ZKSCAN7: variants seen among roughly 807,000 people sequenced by gnomAD.
ZKSCAN7 encodes the protein zinc finger protein with KRAB and SCAN domains 7.
ZKSCAN7 carries 38 observed loss-of-function variants against 65.3 expected under a neutral mutation model. That is an observed-to-expected ratio of 0.58 (90% CI 0.45 to 0.76). The LOEUF (loss-of-function observed/expected upper bound fraction) is 0.76. Ranked by LOEUF, ZKSCAN7 falls within the 30% of genes least tolerant of loss-of-function variation. ZKSCAN7 has a pLI of 0.00. For synonymous variants in ZKSCAN7, 321 were observed against 321.0 expected, an observed-to-expected ratio of 1.00 and a Z score of 0.00; for missense variants, 815 against 913.3, an observed-to-expected ratio of 0.89 and a Z score of 1.39.
intron 3 of ZKSCAN7, among the ~76,000 whole-genome samples, chr3:44,567,192 AAGAG>A (rs912347373): frequency 1.6e-4 from 24 of 151,616 alleles, no homozygotes; most frequent in Middle Eastern, 3.4e-3. Flanking sequence ...AGAGAAAAGA[AAGAG>A]AGGGAGGGAG....
intron 5 of ZKSCAN7, chr3:44,580,264 C>T: frequency 1.2e-6 from 2 of 1,613,952 alleles, no homozygotes; most frequent in Non-Finnish European, 1.7e-6. Flanking sequence ...ACTTTGCGGC[C>T]ACAGTCCATG....
At chr3:44,563,803 G>C (rs925158835) in intron 2 of ZKSCAN7, among the ~76,000 whole-genome samples, 1 of 152,188 alleles carries the variant, frequency 6.6e-6, no homozygotes, top group African/African-American at 2.4e-5. Flanking sequence ...GGATTACAAA[G>C]TTGAATTATC....
intron 5 of ZKSCAN7, among the ~76,000 whole-genome samples, chr3:44,578,449 G>A (rs963608101): frequency 1.3e-5 from 2 of 152,258 alleles, no homozygotes; most frequent in African/African-American, 4.8e-5. Context: ...TCAGCTCCTG[G>A]TTGTGGGCAT....
intron 5 of ZKSCAN7, chr3:44,579,841 A>T (rs564401444): frequency 1.2e-6 from 2 of 1,611,638 alleles, no homozygotes; most frequent in East Asian, 2.2e-5. Context: ...GGCTGTCCTC[A>T]TACTGCTTAG....
downstream of ZKSCAN7, among the ~76,000 whole-genome samples, chr3:44,572,339 A>G (rs1699828220): frequency 2.2e-5 from 3 of 135,646 alleles, no homozygotes; most frequent in South Asian, 5.0e-4. Flanking sequence ...CAAAATGCGA[A>G]TGGATTTTGT....
rs756400843 is a variant in ZKSCAN7, at chr3:44,570,811, T to G, written c.1701T>G (p.Ile567Met). 5.6e-6 allele frequency: 9 copies of G among 1,614,180 alleles called. No homozygotes were observed. In the Admixed American group the frequency reaches 1.5e-4, roughly 27 times the overall value. Residue 567 changes from isoleucine to methionine, a missense_variant, in exon 6 of 6, where the codon ATT becomes ATG. Transcript: ENST00000426540. Reference protein sequence around the residue: ...GKAFSRSKCLIRHQSLHTGEK... With the variant: ...GKAFSRSKCLMRHQSLHTGEK... ...CCTTCAGTCGGAGTAAATGTCTTAT[T>G]CGACATCAGAGCCTCCATACTGGGG...
At position 44,568,452 on chromosome 3, in the gene ZKSCAN7, A is replaced by G. The variant is rs533524686; in HGVS notation, c.811+19A>G. 3 of 1,608,080 alleles carry G rather than the reference A, an allele frequency of 1.9e-6. No individual in the cohort carries two copies. Among genetic ancestry groups the G allele is most frequent in the Non-Finnish European group, 2.5e-6 (3 of 1,177,790 alleles). ...TCCTTGGGTAATGATTCTGTTTCCTAGTCACTTAAAGTCTGCATGCTGCAC... is the reference window on the plus strand; with the variant it reads ...TCCTTGGGTAATGATTCTGTTTCCTGGTCACTTAAAGTCTGCATGCTGCAC... On this transcript the variant is annotated intron_variant, in intron 5 of 5. Transcript: ENST00000426540.
chr3:44,563,941 C>G (rs948194674), intron 2 of ZKSCAN7, among the ~76,000 whole-genome samples: 3 of 152,146 alleles, frequency 2.0e-5, no homozygotes, highest in African/African-American at 7.2e-5. Flanking sequence ...ACTACAGAAT[C>G]CAGGGAGCCT....
rs1243512248 is a variant in ZKSCAN7 at position 44,568,345 on chromosome 3, T to C, written c.723T>C (p.Thr241=). 1 of 1,613,930 alleles carries C rather than the reference T, an allele frequency of 6.2e-7. No individual in the cohort carries two copies. The highest frequency in any genetic ancestry group is 1.1e-5 in the South Asian group (1 of 91,052). Residue 241 remains threonine, a synonymous_variant, in exon 5 of 6, where the codon ACT becomes ACC. Coordinates refer to ENST00000426540, the MANE Select transcript of ZKSCAN7 (RefSeq NM_001288590.2). The part of the protein sequence containing the change: ...VAYEDLSVDY[T]QKKWKSLTLS... ...ATGAGGACCTATCTGTAGACTACAC[T>C]CAGAAGAAATGGAAAAGTCTCACAC... is the stretch of plus-strand genomic sequence containing the variant.
chr3:44,557,711 G>T (rs1170771519), intron 2 of ZKSCAN7: 2 of 570,894 alleles, frequency 3.5e-6, no homozygotes, highest in Non-Finnish European at 6.0e-6. Context: ...TCATCCTGGA[G>T]ATTCGCATGG....
At chr3:44,573,387 G>T (rs1183702808), downstream of ZKSCAN7, among the ~76,000 whole-genome samples, 1 of 152,146 alleles carries the variant, frequency 6.6e-6, no homozygotes, top group East Asian at 1.9e-4. Context: ...TTGAGGTGTG[G>T]TGTATGTTTT....
intron 5 of ZKSCAN7, among the ~76,000 whole-genome samples, chr3:44,582,819 A>G (rs1700115251): frequency 6.6e-6 from 1 of 152,186 alleles, no homozygotes; most frequent in Non-Finnish European, 1.5e-5. Flanking sequence ...ATCAGAATGA[A>G]TGGCCCCACC....
chr3:44,578,268 G>A, intron 5 of ZKSCAN7: 6 of 1,570,252 alleles, frequency 3.8e-6, no homozygotes, highest in South Asian at 2.2e-5. Context: ...TCATCCTTGA[G>A]GGAGCTAATC....
chr3:44,562,375 C>T (rs1055194533), intron 2 of ZKSCAN7, among the ~76,000 whole-genome samples: 10 of 152,200 alleles, frequency 6.6e-5, no homozygotes, highest in Admixed American at 6.5e-4. Flanking sequence ...TCTCCTAGGC[C>T]TCCAGGCCTG....
At chr3:44,580,177 G>A in intron 5 of ZKSCAN7, 1 of 1,609,844 alleles carries the variant, frequency 6.2e-7, no homozygotes, top group Non-Finnish European at 8.5e-7. Context: ...GGGGAGAGCG[G>A]CGGGGGCAGC....
At chr3:44,578,576 A>C (rs1051863127) in intron 5 of ZKSCAN7, among the ~76,000 whole-genome samples, 4 of 152,136 alleles carry the variant, frequency 2.6e-5, no homozygotes, top group Non-Finnish European at 5.9e-5. Flanking sequence ...GAGGACCTCC[A>C]GTTCCCGCTG....
At chr3:44,578,187 A>G in intron 5 of ZKSCAN7, 1 of 1,523,518 alleles carries the variant, frequency 6.6e-7, no homozygotes. Context: ...AGCCTTTGCG[A>G]TGCTGAGCTC....
At chr3:44,579,363 C>T (rs111593586) in intron 5 of ZKSCAN7, among the ~76,000 whole-genome samples, 19,872 of 152,242 alleles carry the variant, frequency 0.13, 1,342 homozygotes, top group Middle Eastern at 0.19. Context: ...CCCACCCGCT[C>T]CTGATTCAGG....
At chr3:44,572,895 C>T (rs980010821), downstream of ZKSCAN7, among the ~76,000 whole-genome samples, 47 of 147,622 alleles carry the variant, frequency 3.2e-4, no homozygotes, top group African/African-American at 1.1e-3. Context: ...TTTACTGCAC[C>T]GAAGACTTGA....
Sources: allele counts gnomAD v4.1 joint callset (sites outside exome capture counted in the v4.1 genomes callset), GRCh38; gene constraint gnomAD v4.1.1; transcripts MANE v1.5; gene names NCBI Gene and HGNC (gene_info 2026-07-23, HGNC 2026-07-21).